CTNNA3: variants seen among roughly 807,000 people sequenced by gnomAD.
The protein encoded by CTNNA3 is catenin alpha 3, also known as catenin alpha-3.
Under a neutral mutation model 95.7 loss-of-function variants are expected in CTNNA3, and 76 were observed. The observed-to-expected ratio is 0.79, with a 90% CI of 0.66 to 0.96. The LOEUF (loss-of-function observed/expected upper bound fraction) is 0.96, where lower values mean the gene tolerates loss of function less well. Ranked by LOEUF, CTNNA3 falls within the 40% of genes least tolerant of loss-of-function variation. The pLI, the probability that CTNNA3 is intolerant of heterozygous loss-of-function variation, is 0.00. For synonymous variants in CTNNA3, 431 were observed against 374.4 expected (o/e 1.15, Z -1.74); for missense variants, 1,191 against 1,089.8 (o/e 1.09, Z -1.31).
At chr10:67,647,317 A>C in intron 2 of CTNNA3, 98 bp downstream of exon 2, 1 of 850,018 alleles carries the variant, frequency 1.2e-6, no homozygotes, top group Non-Finnish European at 1.7e-6. Context: ...ATATTTATAT[A>C]TAAAAATCAA....
chr10:66,326,900 G>A (rs540140189), intron 12 of CTNNA3, among the ~76,000 whole-genome samples: 2 of 152,138 alleles, frequency 1.3e-5, no homozygotes, highest in African/African-American at 4.8e-5. Flanking sequence ...TTATTCATAA[G>A]GGAAAACAAA....
chr10:66,866,222 T>C (rs183587478), intron 7 of CTNNA3, among the ~76,000 whole-genome samples: 4 of 152,310 alleles, frequency 2.6e-5, no homozygotes, highest in Admixed American at 2.6e-4. Context: ...TGCCTGTCAG[T>C]ACAGGGCCTT....
At chr10:66,080,760 GA>G (rs1057339730) in intron 14 of CTNNA3, among the ~76,000 whole-genome samples, 2 of 152,098 alleles carry the variant, frequency 1.3e-5, no homozygotes, top group African/African-American at 2.4e-5. Context: ...TGAGCTAGTA[GA>G]AAAGTACTGG....
chr10:66,447,106 T>C (rs1415803467), intron 11 of CTNNA3, among the ~76,000 whole-genome samples: 6 of 151,602 alleles, frequency 4.0e-5, no homozygotes, highest in East Asian at 1.9e-4. Context: ...TACCTAGGAA[T>C]CCAACTTACA....
At chr10:66,936,596 G>A (rs1462856025) in intron 7 of CTNNA3, among the ~76,000 whole-genome samples, 1 of 152,102 alleles carries the variant, frequency 6.6e-6, no homozygotes. Flanking sequence ...CTGTCAGAAA[G>A]TCACAGGGTC....
chr10:66,699,880 C>T (rs1170278717), intron 9 of CTNNA3, among the ~76,000 whole-genome samples: 1 of 152,052 alleles, frequency 6.6e-6, no homozygotes, highest in Admixed American at 6.5e-5. Context: ...TGGTCTCGAA[C>T]TCCCGACCTC....
intron 13 of CTNNA3, among the ~76,000 whole-genome samples, chr10:66,273,094 A>G (rs551244927): frequency 3.3e-5 from 5 of 152,274 alleles, no homozygotes; most frequent in Admixed American, 2.6e-4. Flanking sequence ...ACCTTGGCAT[A>G]TGATTTTTTT....
intron 13 of CTNNA3, among the ~76,000 whole-genome samples, chr10:66,187,025 G>A (rs1192132149): frequency 6.6e-6 from 1 of 152,090 alleles, no homozygotes; most frequent in Non-Finnish European, 1.5e-5. Flanking sequence ...GCAGTTCAAC[G>A]ATCATAGTAA....
intron 7 of CTNNA3, among the ~76,000 whole-genome samples, chr10:67,086,235 G>A (rs1005845619): frequency 3.3e-5 from 5 of 151,902 alleles, no homozygotes; most frequent in Admixed American, 6.6e-5. Flanking sequence ...CCTATAAAAT[G>A]AAACTCATCT....
At chr10:66,430,423 A>C (rs2093284097) in intron 11 of CTNNA3, among the ~76,000 whole-genome samples, 1 of 152,320 alleles carries the variant, frequency 6.6e-6, no homozygotes, top group African/African-American at 2.4e-5. Flanking sequence ...ATATGGAACC[A>C]AAAAAGAGCC....
Position 67,305,647 on chromosome 10 carries a change from G to A in CTNNA3, c.580-85777C>T, listed in dbSNP as rs1273745441. On this transcript the variant is annotated intron_variant, in intron 5 of 17. Coordinates refer to ENST00000433211, the MANE Select transcript of CTNNA3 (RefSeq NM_013266.4). ...GATTGGAGGGGCAAGACTAGAAGTG[G>A]GGAGATAAGTTAGGATACCATTACA... 2.0e-5 allele frequency among the ~76,000 whole-genome samples: 3 copies of A among 152,000 alleles called. No homozygotes were observed. The East Asian group carries it at 5.8e-4, about 29-fold the overall frequency.
intron 11 of CTNNA3, among the ~76,000 whole-genome samples, chr10:66,400,571 C>T (rs1421881997): frequency 2.0e-5 from 3 of 152,022 alleles, no homozygotes; most frequent in Admixed American, 2.0e-4. Context: ...TCATAAGTGG[C>T]AGCTCTATTT....
chr10:67,219,670 C>A lies in CTNNA3; in HGVS notation c.780G>T (p.Gln260His), dbSNP rs768531952. ...GAGGTTCTGGTGGGGTTGTCATATT[C>A]TGGATCCCTTGTGAAGCATTTGAAA... is the stretch of plus-strand genomic sequence containing the variant. ...NVISNASQGI[Q>H]NMTTPPEPQA... The change falls in exon 6 of 18, where the codon CAG (glutamine) becomes CAT (histidine). Residue 260 changes from glutamine to histidine, a missense_variant. Transcript: ENST00000433211. 6.2e-7 allele frequency: 1 copy of A among 1,614,134 alleles called. No homozygotes were observed. The highest frequency in any genetic ancestry group is 8.5e-7 in the Non-Finnish European group (1 of 1,180,022).
At chr10:66,210,326 A>G (rs2088060395) in intron 13 of CTNNA3, among the ~76,000 whole-genome samples, 1 of 151,184 alleles carries the variant, frequency 6.6e-6, no homozygotes, top group East Asian at 1.9e-4. Flanking sequence ...CAAACGAGAT[A>G]ACAAAAGCAT....
At chr10:65,923,732 G>C (rs61423354) in intron 17 of CTNNA3, among the ~76,000 whole-genome samples, 3 of 152,096 alleles carry the variant, frequency 2.0e-5, no homozygotes, top group Admixed American at 1.3e-4. Context: ...TCAATGTTCC[G>C]TTAGAATGTG....
intron 12 of CTNNA3, among the ~76,000 whole-genome samples, chr10:66,370,979 T>A (rs1286440162): frequency 6.6e-6 from 1 of 152,144 alleles, no homozygotes; most frequent in African/African-American, 2.4e-5. Flanking sequence ...CACCTCAGCC[T>A]TCCAAAGTGC....
intron 14 of CTNNA3, among the ~76,000 whole-genome samples, chr10:66,096,535 T>G (rs1360761246): frequency 1.3e-5 from 2 of 150,890 alleles, no homozygotes; most frequent in African/African-American, 4.9e-5. Flanking sequence ...TCTTTTTTTT[T>G]TTTTTTAGGC....
chr10:67,629,505 C>T (rs1264021928), intron 2 of CTNNA3, among the ~76,000 whole-genome samples: 1 of 152,106 alleles, frequency 6.6e-6, no homozygotes, highest in Non-Finnish European at 1.5e-5. Context: ...TTTGGAAATG[C>T]AGGAATGAAC....
At chr10:67,233,574 T>G (rs1335002038) in intron 5 of CTNNA3, among the ~76,000 whole-genome samples, 1 of 139,346 alleles carries the variant, frequency 7.2e-6, no homozygotes, top group Non-Finnish European at 1.5e-5. Context: ...GATCCAAAAT[T>G]GACACCCTAA....
Sources: allele counts gnomAD v4.1 joint callset (sites outside exome capture counted in the v4.1 genomes callset), GRCh38; gene constraint gnomAD v4.1.1; transcripts MANE v1.5; gene names NCBI Gene and HGNC (gene_info 2026-07-23, HGNC 2026-07-21).